WWOX: variants seen among roughly 807,000 people sequenced by gnomAD.
The protein encoded by WWOX is WW domain containing oxidoreductase.
A neutral mutation model predicts 46.2 loss-of-function variants in WWOX; 69 were observed. That is an observed-to-expected ratio of 1.49 (90% CI 1.23 to 1.82). WWOX has a LOEUF of 1.82. Among genes scored for constraint, WWOX ranks in the 40% most tolerant of loss-of-function variants. The pLI is 0.00. For missense variants in WWOX, 919 were observed against 542.6 expected, an observed-to-expected ratio of 1.69 and a Z score of -6.89; for synonymous variants, 359 against 202.6, an observed-to-expected ratio of 1.77 and a Z score of -6.56.
intron 8 of WWOX, among the ~76,000 whole-genome samples, chr16:78,727,168 G>A (rs1238048669): frequency 6.6e-6 from 1 of 152,200 alleles, no homozygotes; most frequent in Non-Finnish European, 1.5e-5. Context: ...GGAGGCCAAG[G>A]TGGGCAGATC....
In WWOX at chr16:78,755,525, A is replaced by G. The variant is rs2049622289; in HGVS notation, c.1056+322773A>G. On this transcript the variant is annotated intron_variant, in intron 8 of 8. Coordinates refer to ENST00000566780, the MANE Select transcript of WWOX (RefSeq NM_016373.4). ...AGTCAGTACCTGCCAGAGTGGCTGT[A>G]TCCTGGTGTTGTAATATCAAATAAT... 3.3e-5 allele frequency among the ~76,000 whole-genome samples: 5 copies of G among 152,174 alleles called. No homozygotes were observed. In the South Asian group the frequency reaches 1.0e-3, roughly 32 times the overall value.
chr16:78,422,794 C>T lies in WWOX; in HGVS notation c.606-2076C>T, dbSNP rs184981802. Among the ~76,000 whole-genome samples, 205 of 101,530 alleles carry T rather than the reference C, an allele frequency of 2.0e-3. 6 individuals carry two copies. The highest frequency in any genetic ancestry group is 0.014 in the African/African-American group (172 of 12,106). The allele number at this position is 101,530 out of a possible 152,430, so 66.6% of individuals were successfully genotyped here. ...ACACACATATATATATACACACACA[C>T]ATATATATACACACACATATATATA... On this transcript the variant is annotated intron_variant, in intron 6 of 8. Transcript: ENST00000566780.
chr16:78,459,503 T>C (rs2083902276), intron 8 of WWOX, among the ~76,000 whole-genome samples: 1 of 152,250 alleles, frequency 6.6e-6, no homozygotes, highest in African/African-American at 2.4e-5. Context: ...CCATTTTGCA[T>C]ATTCTTGCTT....
At chr16:78,852,308 T>C (rs774237644) in intron 8 of WWOX, among the ~76,000 whole-genome samples, 1 of 152,140 alleles carries the variant, frequency 6.6e-6, no homozygotes, top group Non-Finnish European at 1.5e-5. Flanking sequence ...GGGGAAGTGA[T>C]AGCGCATGAC....
intron 8 of WWOX, among the ~76,000 whole-genome samples, chr16:79,044,483 C>T (rs894922820): frequency 1.3e-5 from 2 of 152,080 alleles, no homozygotes; most frequent in African/African-American, 4.8e-5. Flanking sequence ...TGTGGCACAG[C>T]CCCCCACCCT....
intron 8 of WWOX, among the ~76,000 whole-genome samples, chr16:78,536,122 C>G (rs1277812975): frequency 2.0e-5 from 3 of 152,094 alleles, no homozygotes; most frequent in Admixed American, 6.6e-5. Flanking sequence ...TAAGTGTTCC[C>G]TCCTATTATA....
chr16:78,599,393 G>A (rs960798432), intron 8 of WWOX, among the ~76,000 whole-genome samples: 6 of 152,236 alleles, frequency 3.9e-5, no homozygotes, highest in African/African-American at 1.4e-4. Context: ...GAAACCAAAG[G>A]GCCTGCTGCC....
At chr16:78,808,310 G>C (rs1237740751) in intron 8 of WWOX, among the ~76,000 whole-genome samples, 1 of 152,294 alleles carries the variant, frequency 6.6e-6, no homozygotes, top group Middle Eastern at 3.4e-3. Context: ...AACAACTACT[G>C]TATGGCCACT....
At chr16:78,361,979 T>TTA (rs1240989996) in intron 5 of WWOX, among the ~76,000 whole-genome samples, 2 of 151,688 alleles carry the variant, frequency 1.3e-5, no homozygotes, top group African/African-American at 2.4e-5. Flanking sequence ...TCCTTTTTTT[T>TTA]TTTTTGATTT....
intron 8 of WWOX, among the ~76,000 whole-genome samples, chr16:78,630,138 TTGAA>T (rs556656279): frequency 1.6e-4 from 25 of 152,190 alleles, no homozygotes; most frequent in Admixed American, 3.9e-4. Flanking sequence ...AAAATAATTG[TTGAA>T]TGAATGAATG....
intron 8 of WWOX, among the ~76,000 whole-genome samples, chr16:78,545,974 C>G (rs1204578662): frequency 1.3e-5 from 2 of 152,104 alleles, no homozygotes; most frequent in Non-Finnish European, 2.9e-5. Context: ...GAAATACAGT[C>G]ACATGGAGGG....
At chr16:78,424,821 T>G (rs1457613519) in intron 6 of WWOX, 49 bp from the exon 7 acceptor site, 1 of 1,606,546 alleles carries the variant, frequency 6.2e-7, no homozygotes, top group African/African-American at 1.3e-5. Flanking sequence ...TGGATTATCC[T>G]TGGTTGTAGT....
intron 8 of WWOX, chr16:78,550,601 A>G (rs901931242): frequency 3.9e-5 from 6 of 152,124 alleles, no homozygotes; most frequent in African/African-American, 1.4e-4. Flanking sequence ...TCCTCTTTTG[A>G]ATTTTCATTT....
chr16:78,849,588 A>AAAG (rs1555549767), intron 8 of WWOX, among the ~76,000 whole-genome samples: 6 of 150,822 alleles, frequency 4.0e-5, no homozygotes, highest in African/African-American at 1.2e-4. Flanking sequence ...AAAAAAAAAA[A>AAAG]AAAAGAAAAC....
At chr16:79,158,362 G>A (rs973573992) in intron 8 of WWOX, among the ~76,000 whole-genome samples, 1 of 152,192 alleles carries the variant, frequency 6.6e-6, no homozygotes, top group African/African-American at 2.4e-5. Flanking sequence ...GGAGACTGAA[G>A]GTAAGGGAAA....
chr16:78,555,978 A>C (rs2044284882), intron 8 of WWOX, among the ~76,000 whole-genome samples: 1 of 152,160 alleles, frequency 6.6e-6, no homozygotes, highest in Non-Finnish European at 1.5e-5. Flanking sequence ...ATCGAGTGTC[A>C]TGGAGGGGAG....
At chr16:78,133,807 C>G (rs1363602530) in intron 4 of WWOX, among the ~76,000 whole-genome samples, 1 of 152,190 alleles carries the variant, frequency 6.6e-6, no homozygotes, top group East Asian at 1.9e-4. Flanking sequence ...AAGTAGAATC[C>G]TGGGGAAGCT....
chr16:78,661,444 A>G (rs1161634136), intron 8 of WWOX, among the ~76,000 whole-genome samples: 1 of 152,106 alleles, frequency 6.6e-6, no homozygotes, highest in African/African-American at 2.4e-5. Flanking sequence ...GATTTTCTGT[A>G]TGACTTTATC....
intron 8 of WWOX, among the ~76,000 whole-genome samples, chr16:78,796,934 T>C (rs1325555372): frequency 6.6e-6 from 1 of 151,822 alleles, no homozygotes; most frequent in African/African-American, 2.4e-5. Flanking sequence ...CAACTGATTC[T>C]CCTGCCTCAG....
Sources: gnomAD v4.1 joint callset for allele counts (sites outside exome capture counted in the v4.1 genomes callset) on GRCh38, gnomAD v4.1.1 for gene constraint, MANE v1.5 for transcripts, NCBI Gene and HGNC (gene_info 2026-07-23, HGNC 2026-07-21) for gene names.